The following GSE1 variants were observed in gnomAD, a reference collection of about 807,000 sequenced individuals.
GSE1 encodes Gse1 coiled-coil protein.
GSE1 carries 32 observed loss-of-function variants against 112.6 expected under a neutral mutation model. That is an observed-to-expected ratio of 0.28 (90% confidence interval 0.21 to 0.38). The LOEUF (loss-of-function observed/expected upper bound fraction) is 0.38. GSE1 is among the 10% of genes least tolerant of loss of function. The pLI, the probability that GSE1 is intolerant of heterozygous loss-of-function variation, is 1.00. For synonymous variants in GSE1, 1,115 were observed against 735.6 expected (o/e 1.52, Z -8.35); for missense variants, 2,348 against 1,699.2 (o/e 1.38, Z -6.71).
intron 2 of GSE1, among the ~76,000 whole-genome samples, chr16:85,492,108 G>A (rs1473008119): frequency 6.6e-6 from 1 of 152,228 alleles, no homozygotes; most frequent in South Asian, 2.1e-4. Context: ...GAGGCAGCGG[G>A]TGCCAGACAG....
chr16:85,595,764 C>T (rs1473081518), intron 1 of GSE1: 1 of 150,956 alleles, frequency 6.6e-6, no homozygotes, highest in Non-Finnish European at 1.5e-5. Flanking sequence ...ACTCATCCAC[C>T]CAACCATCTA....
rs540445098 is a variant in GSE1 at position 85,666,005 on chromosome 16, G to A, written c.2788G>A (p.Val930Met). The stretch of plus-strand genomic sequence containing the variant: ...AGCCACGCAGCAAGCCTCTCTGGAT[G>A]TGGAGAAGCCGGTTGGTGTTGCTGC... ...EPATQQASLD[V>M]EKPVGVAASL... Residue 930 changes from valine (V) to methionine (M), a missense_variant, in exon 13 of 16, where the codon GTG becomes ATG. Physicochemically the swap from Val to Met is conservative, Grantham distance 21. Coordinates refer to ENST00000253458, the MANE Select transcript of GSE1 (RefSeq NM_014615.5). The A allele has an allele frequency of 2.5e-6, 4 of 1,613,538 alleles. No individual in the cohort carries two copies. The African/African-American group carries it at 5.3e-5, about 22-fold the overall frequency.
chr16:85,193,650 G>T (rs1182029090), intron 1 of GSE1, among the ~76,000 whole-genome samples: 2 of 152,198 alleles, frequency 1.3e-5, no homozygotes, highest in Non-Finnish European at 2.9e-5. Context: ...AGCAGAGACA[G>T]GGTTTTGCCA....
chr16:85,241,094 C>T (rs2143929767), intron 1 of GSE1, among the ~76,000 whole-genome samples: 1 of 152,324 alleles, frequency 6.6e-6, no homozygotes, highest in African/African-American at 2.4e-5. Flanking sequence ...TGAAACGAGC[C>T]TCCTTCTTCC....
At chr16:85,486,777 G>A (rs1034603468) in intron 2 of GSE1, among the ~76,000 whole-genome samples, 1 of 152,106 alleles carries the variant, frequency 6.6e-6, no homozygotes, top group Non-Finnish European at 1.5e-5. Flanking sequence ...GGTTCCCCCA[G>A]CCCCCCGTTC....
At chr16:85,643,843 G>A (rs572147766) in intron 2 of GSE1, among the ~76,000 whole-genome samples, 1 of 152,186 alleles carries the variant, frequency 6.6e-6, no homozygotes, top group Admixed American at 6.5e-5. Context: ...TTTTCCCCTG[G>A]GCAGCAGGAG....
intron 2 of GSE1, among the ~76,000 whole-genome samples, chr16:85,469,023 G>A (rs1177426390): frequency 6.6e-6 from 1 of 152,168 alleles, no homozygotes; most frequent in Non-Finnish European, 1.5e-5. Context: ...GGGAGGCCGA[G>A]GCAGGTGGAT....
chr16:85,383,309 CA>C (rs1421246563), intron 2 of GSE1, among the ~76,000 whole-genome samples: 3 of 151,770 alleles, frequency 2.0e-5, no homozygotes, highest in African/African-American at 7.3e-5. Flanking sequence ...CAAACATGTA[CA>C]TACACAGTCC....
intron 2 of GSE1, among the ~76,000 whole-genome samples, chr16:85,360,846 C>G (rs887091961): frequency 1.3e-5 from 2 of 151,832 alleles, no homozygotes; most frequent in African/African-American, 4.8e-5. Flanking sequence ...ACACAGAAAC[C>G]CGTGACACAC....
At chr16:85,300,212 A>T (rs1050599052) in intron 1 of GSE1, among the ~76,000 whole-genome samples, 1 of 152,064 alleles carries the variant, frequency 6.6e-6, no homozygotes, top group African/African-American at 2.4e-5. Context: ...GGGTTTCTCC[A>T]TGTTGGTCAG....
chr16:85,290,428 T>C (rs1435269978), intron 1 of GSE1, among the ~76,000 whole-genome samples: 1 of 152,242 alleles, frequency 6.6e-6, no homozygotes, highest in African/African-American at 2.4e-5. Context: ...AGCAGTTCTC[T>C]TTCTGCAACC....
intron 1 of GSE1, among the ~76,000 whole-genome samples, chr16:85,258,171 G>T (rs558235858): frequency 1.3e-5 from 2 of 152,188 alleles, no homozygotes; most frequent in South Asian, 2.1e-4. Context: ...GCCTCCTCAC[G>T]CATCTTCAGA....
intron 1 of GSE1, among the ~76,000 whole-genome samples, chr16:85,337,607 G>A (rs957438993): frequency 6.7e-6 from 1 of 149,652 alleles, no homozygotes; most frequent in Non-Finnish European, 1.5e-5. Flanking sequence ...GCCCGGCCAG[G>A]CTCAGGACTT....
intron 3 of GSE1, among the ~76,000 whole-genome samples, chr16:85,653,859 C>T (rs747411042): frequency 6.6e-6 from 1 of 152,218 alleles, no homozygotes; most frequent in Non-Finnish European, 1.5e-5. Context: ...GTGGCACTCG[C>T]TTCACGGCGT....
chr16:85,552,129 C>A (rs1213010479), upstream of GSE1, among the ~76,000 whole-genome samples: 1 of 151,968 alleles, frequency 6.6e-6, no homozygotes, highest in East Asian at 1.9e-4. Context: ...GGGTTCACAC[C>A]ATTCTCTTGC....
At chr16:85,209,099 G>C (rs562523569) in intron 1 of GSE1, among the ~76,000 whole-genome samples, 31 of 151,646 alleles carry the variant, frequency 2.0e-4, no homozygotes, top group Non-Finnish European at 3.4e-4. Context: ...GGTCTGCCGC[G>C]TGATGGGGTT....
At chr16:85,344,555 CCCGTTTAT>C (rs1358614712) in intron 1 of GSE1, among the ~76,000 whole-genome samples, 1 of 152,196 alleles carries the variant, frequency 6.6e-6, no homozygotes, top group East Asian at 1.9e-4. Flanking sequence ...AGGGCTGCTC[CCCGTTTAT>C]CCTTCAGTGC....
chr16:85,616,667 G>A (rs1274376486), intron 1 of GSE1, among the ~76,000 whole-genome samples: 3 of 151,926 alleles, frequency 2.0e-5, no homozygotes, highest in East Asian at 1.9e-4. Flanking sequence ...TGGCTGTGCC[G>A]AAGCCTGGCC....
chr16:85,640,811 C>T (rs1005444197), intron 2 of GSE1, among the ~76,000 whole-genome samples: 2 of 152,240 alleles, frequency 1.3e-5, no homozygotes, highest in East Asian at 1.9e-4. Flanking sequence ...GCGGCGGCGG[C>T]GGCTCTGCAG....
Sources: allele counts gnomAD v4.1 joint callset (sites outside exome capture counted in the v4.1 genomes callset), GRCh38; gene constraint gnomAD v4.1.1; transcripts MANE v1.5; gene names NCBI Gene and HGNC (gene_info 2026-07-23, HGNC 2026-07-21).